Variants in NAV3 observed in about 807,000 individuals in gnomAD.
NAV3 encodes neuron navigator 3.
A neutral mutation model predicts 244.7 loss-of-function variants in NAV3; 87 were observed. The observed-to-expected ratio is 0.36, with a 90% confidence interval of 0.30 to 0.42. NAV3 has a LOEUF of 0.42. Among genes scored for constraint, NAV3 ranks in the 20% least tolerant of loss-of-function variants. The pLI is 1.00. For synonymous variants in NAV3, 1,126 were observed against 1,042.2 expected (o/e 1.08, Z -1.55); for missense variants, 2,663 against 2,893.3 (o/e 0.92, Z 1.83).
At chr12:77,756,813 A>G (rs1189966515) in intron 2 of NAV3, among the ~76,000 whole-genome samples, 1 of 152,118 alleles carries the variant, frequency 6.6e-6, no homozygotes, top group Non-Finnish European at 1.5e-5. Context: ...CAGCTGGGTT[A>G]TTTATTGAAC....
intron 2 of NAV3, among the ~76,000 whole-genome samples, chr12:77,804,504 A>T (rs1317457361): frequency 6.6e-6 from 1 of 151,640 alleles, no homozygotes; most frequent in African/African-American, 2.4e-5. Context: ...TATTTCTGAG[A>T]CCTCTGTTCT....
intron 1 of NAV3, among the ~76,000 whole-genome samples, chr12:77,837,503 T>C (rs1188026676): frequency 6.6e-6 from 1 of 152,136 alleles, no homozygotes; most frequent in Non-Finnish European, 1.5e-5. Flanking sequence ...AATAGCCTTA[T>C]GGCATAGGAA....
At chr12:77,904,650 A>T (rs554315852) in intron 1 of NAV3, among the ~76,000 whole-genome samples, 8 of 152,306 alleles carry the variant, frequency 5.3e-5, no homozygotes, top group Non-Finnish European at 8.8e-5. Flanking sequence ...TAATTTTTTA[A>T]AAAAAAGAAA....
intron 2 of NAV3, among the ~76,000 whole-genome samples, chr12:77,578,654 C>G (rs1467235777): frequency 1.3e-5 from 2 of 152,126 alleles, no homozygotes; most frequent in African/African-American, 4.8e-5. Context: ...CCTTATTATT[C>G]ATTCCTGTTT....
intron 2 of NAV3, among the ~76,000 whole-genome samples, chr12:77,710,598 A>G (rs952440229): frequency 6.6e-6 from 1 of 152,222 alleles, no homozygotes; most frequent in Non-Finnish European, 1.5e-5. Flanking sequence ...GCTTAGAAAT[A>G]TAATATATGG....
chr12:77,855,116 G>A (rs1224773524), intron 1 of NAV3, among the ~76,000 whole-genome samples: 2 of 152,028 alleles, frequency 1.3e-5, no homozygotes, highest in Non-Finnish European at 2.9e-5. Context: ...GACAGAGCGA[G>A]ACTCCATCTC....
intron 10 of NAV3, 68 bp downstream of exon 10, chr12:78,050,169 T>C (rs937828653): frequency 9.1e-7 from 1 of 1,096,588 alleles, no homozygotes; most frequent in Admixed American, 2.3e-5. Flanking sequence ...CATTTAACTT[T>C]TCTTATAATG....
At chr12:77,782,553 G>T (rs1208089436) in intron 2 of NAV3, among the ~76,000 whole-genome samples, 4 of 150,326 alleles carry the variant, frequency 2.7e-5, no homozygotes, top group Admixed American at 2.6e-4. Context: ...ACTTGTCCTG[G>T]GGAGAACTTG....
intron 23 of NAV3, among the ~76,000 whole-genome samples, chr12:78,166,413 T>C (rs1379396323): frequency 7.4e-6 from 1 of 135,742 alleles, no homozygotes; most frequent in African/African-American, 2.5e-5. Flanking sequence ...AATGTAGAAT[T>C]TGGCTATCTT....
chr12:77,893,884 G>A (rs116842416), intron 1 of NAV3, among the ~76,000 whole-genome samples: 2,110 of 152,202 alleles, frequency 0.014, 29 homozygotes, highest in Non-Finnish European at 0.023. Flanking sequence ...CTTATATATT[G>A]CTCTCCTCTA....
chr12:77,679,842 A>G (rs1438946291), intron 2 of NAV3, among the ~76,000 whole-genome samples: 1 of 152,184 alleles, frequency 6.6e-6, no homozygotes, highest in Non-Finnish European at 1.5e-5. Flanking sequence ...CCGTATGCCC[A>G]TAATCTTGGA....
intron 2 of NAV3, among the ~76,000 whole-genome samples, chr12:77,785,651 T>C (rs900378094): frequency 2.6e-5 from 4 of 152,132 alleles, no homozygotes; most frequent in African/African-American, 9.7e-5. Flanking sequence ...ATTGCAGATA[T>C]CAGGACAAGT....
intron 2 of NAV3, among the ~76,000 whole-genome samples, chr12:77,787,730 C>G (rs922694095): frequency 1.3e-5 from 2 of 152,144 alleles, no homozygotes; most frequent in African/African-American, 2.4e-5. Context: ...TGGATGGGGA[C>G]ACAGCCAAAC....
At chr12:78,191,500 T>C (rs1196279466) in intron 34 of NAV3, among the ~76,000 whole-genome samples, 1 of 152,140 alleles carries the variant, frequency 6.6e-6, no homozygotes. Flanking sequence ...ATATGTGTCC[T>C]TCAAAAACAA....
At chr12:77,792,533 C>T (rs1592687060) in intron 2 of NAV3, among the ~76,000 whole-genome samples, 2 of 152,142 alleles carry the variant, frequency 1.3e-5, no homozygotes, top group African/African-American at 4.8e-5. Flanking sequence ...CACATGCTTT[C>T]CAGGGGCTGC....
chr12:77,746,973 G>C (rs1026262132), intron 2 of NAV3, among the ~76,000 whole-genome samples: 2 of 152,264 alleles, frequency 1.3e-5, no homozygotes, highest in African/African-American at 4.8e-5. Flanking sequence ...ATTGCACTTT[G>C]ACAGGTATGA....
intron 23 of NAV3, among the ~76,000 whole-genome samples, chr12:78,160,739 A>G (rs982472131): frequency 6.6e-6 from 1 of 152,012 alleles, no homozygotes; most frequent in Non-Finnish European, 1.5e-5. Flanking sequence ...ATTCTCTCTC[A>G]TATTCTCCGT....
Position 77,852,395 on chromosome 12 carries a change from C to T in NAV3, c.243+20691C>T, listed in dbSNP as rs773371507. On this transcript the variant is annotated intron_variant, in intron 1 of 39. Coordinates refer to ENST00000397909, the MANE Select transcript of NAV3 (RefSeq NM_001024383.2). ...ACTAAAAATACAAAACTTAACCGAGCGTAGTGGCACATGTCTGTAATCCCA... is the reference window on the plus strand; with the variant it reads ...ACTAAAAATACAAAACTTAACCGAGTGTAGTGGCACATGTCTGTAATCCCA... 1.2e-4 allele frequency among the ~76,000 whole-genome samples: 18 copies of T among 151,920 alleles called. No individual in the cohort carries two copies. The South Asian group carries it at 1.9e-3, about 16-fold the overall frequency.
intron 2 of NAV3, among the ~76,000 whole-genome samples, chr12:77,618,128 C>A (rs972132133): frequency 1.3e-5 from 2 of 152,188 alleles, no homozygotes; most frequent in African/African-American, 4.8e-5. Context: ...AGTAAACCAT[C>A]TAGGCAATGG....
Sources: allele counts gnomAD v4.1 joint callset (sites outside exome capture counted in the v4.1 genomes callset), GRCh38; gene constraint gnomAD v4.1.1; transcripts MANE v1.5; gene names NCBI Gene and HGNC (gene_info 2026-07-23, HGNC 2026-07-21).